The following CHST10 variants were observed in gnomAD, a reference collection of about 807,000 sequenced individuals.
CHST10 encodes the protein HNK-1 sulfotransferase.
CHST10 carries 24 observed loss-of-function variants against 34.7 expected under a neutral mutation model. The observed-to-expected ratio is 0.69, with a 90% CI of 0.50 to 0.97. CHST10 has a LOEUF of 0.97. Among genes scored for constraint, CHST10 ranks in the 50% least tolerant of loss-of-function variants. The pLI is 0.00. For synonymous variants in CHST10, 161 were observed against 169.3 expected (o/e 0.95, Z 0.38); for missense variants, 402 against 452.1 (o/e 0.89, Z 1.00).
rs1350641439 is a variant in CHST10, at chr2:100,392,195, T to C, written c.*1050A>G. ...CACCTTCCAGTCACATGGTCCAGGA[T>C]GGTGGTGTGATCAGAAATGGCTCTG... On this transcript the variant is annotated 3_prime_UTR_variant, in exon 7 of 7. Coordinates refer to ENST00000264249, the MANE Select transcript of CHST10 (RefSeq NM_004854.5). 6.5e-6 allele frequency: 1 copy of C among 152,734 alleles called. No individual in the cohort carries two copies. The highest frequency in any genetic ancestry group is 1.5e-5 in the Non-Finnish European group (1 of 68,112). The allele number at this position is 152,734 out of a possible 1,614,324, so 9.5% of individuals were successfully genotyped here. A position where few individuals can be genotyped will look rare whatever the true frequency, so the allele number is the denominator to read the frequency against.
intron 2 of CHST10, 76 bp downstream of exon 2, chr2:100,414,965 A>G: frequency 9.7e-7 from 1 of 1,027,508 alleles, no homozygotes; most frequent in Non-Finnish European, 1.3e-6. Context: ...CAATCTGCAC[A>G]GGCAAGAAAA....
intron 3 of CHST10, among the ~76,000 whole-genome samples, chr2:100,403,697 C>T (rs779389796): frequency 4.0e-4 from 61 of 152,270 alleles, no homozygotes; most frequent in Admixed American, 7.2e-4. Context: ...GCCAAGGCTT[C>T]TCCACGCACT....
chr2:100,417,132 A>G (rs984011480), intron 1 of CHST10: 13 of 1,110,680 alleles, frequency 1.2e-5, no homozygotes, highest in South Asian at 3.9e-5. Flanking sequence ...GGCTCGCACA[A>G]TATCAATAAT....
At chr2:100,400,310 A>G (rs1675282085) in intron 4 of CHST10, among the ~76,000 whole-genome samples, 1 of 151,894 alleles carries the variant, frequency 6.6e-6, no homozygotes, top group Non-Finnish European at 1.5e-5. Flanking sequence ...CACAATCATG[A>G]CTCACTATAG....
chr2:100,414,761 C>T (rs569968058), intron 2 of CHST10, among the ~76,000 whole-genome samples: 3 of 152,038 alleles, frequency 2.0e-5, no homozygotes, highest in Non-Finnish European at 2.9e-5. Flanking sequence ...GAGAAATACA[C>T]CTGTAGTTAA....
chr2:100,402,700 A>G, intron 3 of CHST10, 45 bp from the exon 4 acceptor site: 2 of 1,539,612 alleles, frequency 1.3e-6, no homozygotes, highest in Non-Finnish European at 1.8e-6. Flanking sequence ...AGGAAAAGGC[A>G]CACAGGTGGA....
chr2:100,398,200 C>G lies in CHST10; in HGVS notation c.193-58G>C. ...GACCATTAAAGGAGGCAGGACCGGGCCAAGCAGAGCCGCTCCTGCTGGTCT... is the reference window on the plus strand; with the variant it reads ...GACCATTAAAGGAGGCAGGACCGGGGCAAGCAGAGCCGCTCCTGCTGGTCT... On this transcript the variant is annotated intron_variant, in intron 4 of 6. Coordinates refer to ENST00000264249, the MANE Select transcript of CHST10 (RefSeq NM_004854.5). The G allele has an allele frequency of 6.5e-6, 8 of 1,232,758 alleles. No individual in the cohort carries two copies. In the South Asian group the frequency reaches 1.1e-4, roughly 17 times the overall value. The allele number at this position is 1,232,758 out of a possible 1,614,324, so 76.4% of individuals were successfully genotyped here.
intron 4 of CHST10, among the ~76,000 whole-genome samples, 195 bp from the exon 5 acceptor site, chr2:100,398,337 C>A (rs148207534): frequency 1.3e-5 from 2 of 152,296 alleles, no homozygotes; most frequent in Non-Finnish European, 2.9e-5. Flanking sequence ...CTCCACCAGC[C>A]CGATCGGCAG....
intron 2 of CHST10, 34 bp from the exon 3 acceptor site, chr2:100,406,741 A>G: frequency 6.2e-7 from 1 of 1,604,198 alleles, no homozygotes; most frequent in South Asian, 1.1e-5. Flanking sequence ...CCTGCTGCTT[A>G]CAAATACATC....
At position 100,393,326 on chromosome 2, in the gene CHST10, T is replaced by G; in HGVS notation, c.990A>C (p.Arg330=). Residue 330 remains arginine (R), a synonymous_variant, in exon 7 of 7, where the codon CGA becomes CGC. Coordinates refer to ENST00000264249, the MANE Select transcript of CHST10 (RefSeq NM_004854.5). ...VEHYFLGISK[R]DIRRLYARFE... The stretch of plus-strand genomic sequence containing the variant: ...AACGGGCATACAGGCGTCGGATGTC[T>G]CGTTTGCTGATGCCCAGGAAATAGT... 1 of 1,614,226 alleles carries G rather than the reference T, an allele frequency of 6.2e-7. No individual in the cohort carries two copies.
chr2:100,406,693 A>G lies in CHST10; in HGVS notation c.-18T>C. 6.2e-7 allele frequency: 1 copy of G among 1,611,934 alleles called. No homozygotes were observed. Among genetic ancestry groups the G allele is most frequent in the Non-Finnish European group, 8.5e-7 (1 of 1,178,778 alleles). ...TGGTGCATGTTGTCACACCGCAGCCATTCACTGACTCTTCCTGGAAAACAC... is the reference window on the plus strand; with the variant it reads ...TGGTGCATGTTGTCACACCGCAGCCGTTCACTGACTCTTCCTGGAAAACAC... On this transcript the variant is annotated 5_prime_UTR_variant, in exon 3 of 7. It removes an upstream start codon present in the reference 5' UTR. Transcript: ENST00000264249.
At position 100,392,605 on chromosome 2, in the gene CHST10, T is replaced by A. The variant is rs550981834; in HGVS notation, c.*640A>T. The A allele has an allele frequency of 6.4e-6, 1 of 155,344 alleles. No individual in the cohort carries two copies. The highest frequency in any genetic ancestry group is 2.4e-5 in the African/African-American group (1 of 41,424). The allele number at this position is 155,344 out of a possible 1,614,324, so 9.6% of individuals were successfully genotyped here. A position where few individuals can be genotyped will look rare whatever the true frequency, so the allele number is the denominator to read the frequency against. ...TGGACCAGCATTACACAGGCATGGA[T>A]TCTGGAAAGATGGACCCCTGGACAC... On this transcript the variant is annotated 3_prime_UTR_variant, in exon 7 of 7. Coordinates refer to ENST00000264249, the MANE Select transcript of CHST10 (RefSeq NM_004854.5).
chr2:100,417,349 C>G (rs935823807), intron 1 of CHST10, 25 bp downstream of exon 1: 15 of 343,724 alleles, frequency 4.4e-5, no homozygotes, highest in South Asian at 2.9e-4. Context: ...CTGAAACCCA[C>G]CCGCCTGCGC....
intron 3 of CHST10, among the ~76,000 whole-genome samples, chr2:100,406,317 G>A (rs1675570699): frequency 6.6e-6 from 1 of 152,178 alleles, no homozygotes; most frequent in Non-Finnish European, 1.5e-5. Flanking sequence ...CTTGCTCCTA[G>A]GCACCACCCA....
intron 2 of CHST10, among the ~76,000 whole-genome samples, chr2:100,410,816 C>T (rs1675799632): frequency 6.6e-6 from 1 of 152,086 alleles, no homozygotes; most frequent in South Asian, 2.1e-4. Context: ...GGAAATCATG[C>T]CGAAGTCCAA....
chr2:100,409,906 G>C (rs949447040), intron 2 of CHST10, among the ~76,000 whole-genome samples: 1 of 152,164 alleles, frequency 6.6e-6, no homozygotes, highest in Non-Finnish European at 1.5e-5. Flanking sequence ...ATTAGGATAG[G>C]AGAAGGGTGG....
chr2:100,414,362 T>TCA (rs370903480), intron 2 of CHST10, among the ~76,000 whole-genome samples: 10,583 of 150,324 alleles, frequency 0.07, 797 homozygotes, highest in South Asian at 0.19. Flanking sequence ...AAAGGAAACT[T>TCA]CACACACACA....
intron 6 of CHST10, among the ~76,000 whole-genome samples, chr2:100,394,263 C>A (rs1240487009): frequency 6.6e-6 from 1 of 152,120 alleles, no homozygotes; most frequent in African/African-American, 2.4e-5. Flanking sequence ...GAGAGTCAGG[C>A]TTCACGCTCC....
At chr2:100,416,607 ACAT>A (rs1297950439) in intron 1 of CHST10, 3 of 209,090 alleles carry the variant, frequency 1.4e-5, no homozygotes, top group Non-Finnish European at 3.0e-5. Context: ...AGCGTCTGAG[ACAT>A]TTCTCACTCT....
Sources: allele counts gnomAD v4.1 joint callset (sites outside exome capture counted in the v4.1 genomes callset), GRCh38; gene constraint gnomAD v4.1.1; transcripts MANE v1.5; gene names NCBI Gene and HGNC (gene_info 2026-07-23, HGNC 2026-07-21).